SSBP2: variants seen among roughly 807,000 people sequenced by gnomAD.
SSBP2 encodes single stranded DNA binding protein 2.
Under a neutral mutation model 61.8 loss-of-function variants are expected in SSBP2, and 17 were observed. That is an observed-to-expected ratio of 0.28 (90% CI 0.19 to 0.41). SSBP2 has a LOEUF of 0.41. Ranked by LOEUF, SSBP2 falls within the 10% of genes least tolerant of loss-of-function variation. The pLI is 1.00. For synonymous variants in SSBP2, 139 were observed against 141.3 expected, an observed-to-expected ratio of 0.98 and a Z score of 0.12; for missense variants, 310 against 458.7, an observed-to-expected ratio of 0.68 and a Z score of 2.96.
chr5:81,482,920 C>T (rs1229646092), intron 6 of SSBP2, among the ~76,000 whole-genome samples: 5 of 152,078 alleles, frequency 3.3e-5, no homozygotes, highest in Non-Finnish European at 7.4e-5. Flanking sequence ...TTAAAGTGAG[C>T]GATGTGCGAC....
intron 4 of SSBP2, among the ~76,000 whole-genome samples, chr5:81,539,344 T>C (rs1771064846): frequency 6.6e-6 from 1 of 152,196 alleles, no homozygotes; most frequent in South Asian, 2.1e-4. Context: ...TTGCTTCTTA[T>C]GGATGAGCAA....
At chr5:81,540,901 T>C (rs1465049288) in intron 4 of SSBP2, among the ~76,000 whole-genome samples, 1 of 151,386 alleles carries the variant, frequency 6.6e-6, no homozygotes, top group African/African-American at 2.4e-5. Context: ...CTGGAGGTCC[T>C]AGCCAGATCA....
intron 4 of SSBP2, among the ~76,000 whole-genome samples, chr5:81,563,296 C>A (rs7717663): frequency 0.46 from 70,300 of 152,026 alleles, 20,900 homozygotes; most frequent in African/African-American, 0.85. Context: ...GGATATCCAT[C>A]TGCCAAAATA....
chr5:81,674,551 ATCAG>A (rs1348616099), intron 1 of SSBP2, among the ~76,000 whole-genome samples: 1 of 152,250 alleles, frequency 6.6e-6, no homozygotes, highest in East Asian at 1.9e-4. Flanking sequence ...TAAGAGGTAT[ATCAG>A]TATAAAACTT....
Position 81,596,730 on chromosome 5 carries a change from A to C in SSBP2, c.282+18743T>G, listed in dbSNP as rs1225269943. Reference sequence around the variant, plus strand: ...CTTTGACAAACCTGACAAAAACAAGAAATGGGGAAAGGATTCCCTATTTAA... The same window carrying C: ...CTTTGACAAACCTGACAAAAACAAGCAATGGGGAAAGGATTCCCTATTTAA... On this transcript the variant is annotated intron_variant, in intron 4 of 16. Transcript: ENST00000320672. Among the ~76,000 whole-genome samples the C allele has an allele frequency of 4.6e-4, 39 of 85,206 alleles. No individual in the cohort carries two copies. The East Asian group carries it at 0.011, about 24-fold the overall frequency. The allele number at this position is 85,206 out of a possible 152,430, so 55.9% of individuals were successfully genotyped here. A position where few individuals can be genotyped will look rare whatever the true frequency, so the allele number is the denominator to read the frequency against.
At chr5:81,561,957 C>A (rs1382854567) in intron 4 of SSBP2, among the ~76,000 whole-genome samples, 1 of 152,064 alleles carries the variant, frequency 6.6e-6, no homozygotes, top group South Asian at 2.1e-4. Context: ...CAGGCTAGAG[C>A]GCAATGGCAC....
intron 10 of SSBP2, 25 bp from the exon 11 acceptor site, chr5:81,448,850 A>G (rs945931811): frequency 1.2e-6 from 2 of 1,606,082 alleles, no homozygotes; most frequent in Non-Finnish European, 1.7e-6. Context: ...GGACAAAAAA[A>G]TTTTTGATTC....
intron 4 of SSBP2, among the ~76,000 whole-genome samples, chr5:81,578,475 A>G (rs1460684648): frequency 6.6e-6 from 1 of 151,994 alleles, no homozygotes; most frequent in Non-Finnish European, 1.5e-5. Context: ...TTGTTTCTGG[A>G]TTTCAAAAAA....
At chr5:81,654,204 A>C (rs1242887474) in intron 1 of SSBP2, among the ~76,000 whole-genome samples, 1 of 152,058 alleles carries the variant, frequency 6.6e-6, no homozygotes, top group African/African-American at 2.4e-5. Context: ...AACTCAAGAG[A>C]TCCTCCTGCC....
chr5:81,714,914 AC>A (rs1440369753), intron 1 of SSBP2, among the ~76,000 whole-genome samples: 4 of 151,984 alleles, frequency 2.6e-5, no homozygotes, highest in Admixed American at 6.6e-5. Flanking sequence ...GAGCTTCTGC[AC>A]AGTGAAAGAA....
intron 4 of SSBP2, among the ~76,000 whole-genome samples, chr5:81,549,248 T>C (rs913355881): frequency 2.0e-5 from 3 of 152,174 alleles, no homozygotes; most frequent in African/African-American, 7.2e-5. Context: ...AGCATTTGGT[T>C]TACCTTCCTG....
At chr5:81,674,981 T>A (rs1751844455) in intron 1 of SSBP2, among the ~76,000 whole-genome samples, 1 of 152,330 alleles carries the variant, frequency 6.6e-6, no homozygotes, top group South Asian at 2.1e-4. Flanking sequence ...AGTACTGTTG[T>A]GCGCAGAATC....
At chr5:81,706,086 A>C (rs1040510386) in intron 1 of SSBP2, among the ~76,000 whole-genome samples, 3 of 152,214 alleles carry the variant, frequency 2.0e-5, no homozygotes, top group Non-Finnish European at 4.4e-5. Context: ...AAGACATGGA[A>C]TCAATCTAGG....
At chr5:81,601,720 C>T (rs1744381530) in intron 4 of SSBP2, among the ~76,000 whole-genome samples, 1 of 152,142 alleles carries the variant, frequency 6.6e-6, no homozygotes, top group Non-Finnish European at 1.5e-5. Flanking sequence ...CCCCCGTCCC[C>T]ATAATCACCA....
At chr5:81,615,847 T>C (rs1341574721) in intron 3 of SSBP2, among the ~76,000 whole-genome samples, 2 of 152,210 alleles carry the variant, frequency 1.3e-5, no homozygotes, top group Non-Finnish European at 2.9e-5. Flanking sequence ...AAACACTTGA[T>C]TGGAGTAGCT....
At chr5:81,538,922 T>C (rs1017846444) in intron 4 of SSBP2, among the ~76,000 whole-genome samples, 1 of 152,228 alleles carries the variant, frequency 6.6e-6, no homozygotes, top group African/African-American at 2.4e-5. Context: ...GATGTTGTTT[T>C]CCTGACTGCA....
intron 2 of SSBP2, among the ~76,000 whole-genome samples, chr5:81,645,838 T>G (rs1462152462): frequency 6.6e-6 from 1 of 152,228 alleles, no homozygotes; most frequent in Non-Finnish European, 1.5e-5. Flanking sequence ...CATTTTGGAT[T>G]CAGGTAGTGG....
intron 10 of SSBP2, among the ~76,000 whole-genome samples, chr5:81,458,104 A>AAAAC (rs374553653): frequency 1.3e-5 from 2 of 152,246 alleles, no homozygotes; most frequent in Non-Finnish European, 2.9e-5. Flanking sequence ...AAGAAAGGCC[A>AAAAC]AAACAAACAA....
chr5:81,536,505 T>A lies in SSBP2; in HGVS notation c.283-22788A>T, dbSNP rs544372432. 2.0e-5 allele frequency among the ~76,000 whole-genome samples: 3 copies of A among 152,258 alleles called. No homozygotes were observed. The East Asian group carries it at 5.8e-4, about 29-fold the overall frequency. ...CCACCTGATAGGCCCCAGTAACTTC[T>A]TAAAAAACTAAATATATTCTTACCA... On this transcript the variant is annotated intron_variant, in intron 4 of 16. Coordinates refer to ENST00000320672, the MANE Select transcript of SSBP2 (RefSeq NM_012446.5).
Sources: allele counts gnomAD v4.1 joint callset (sites outside exome capture counted in the v4.1 genomes callset), GRCh38; gene constraint gnomAD v4.1.1; transcripts MANE v1.5; gene names NCBI Gene and HGNC (gene_info 2026-07-23, HGNC 2026-07-21).